The following MBD5 variants were observed in gnomAD, a reference collection of about 807,000 sequenced individuals.
MBD5 encodes methyl-CpG-binding domain protein 5.
MBD5 carries 13 observed loss-of-function variants against 117.3 expected under a neutral mutation model. The observed-to-expected ratio is 0.11, with a 90% CI of 0.07 to 0.18. The LOEUF is 0.18. Ranked by LOEUF, MBD5 falls within the 10% of genes least tolerant of loss-of-function variation. The pLI is 1.00. For synonymous variants in MBD5, 727 were observed against 766.4 expected (o/e 0.95, Z 0.85); for missense variants, 1,879 against 2,093.8 (o/e 0.90, Z 2.00).
chr2:148,455,875 C>A (rs1706863254), intron 4 of MBD5, among the ~76,000 whole-genome samples: 1 of 151,864 alleles, frequency 6.6e-6, no homozygotes, highest in Admixed American at 6.6e-5. Flanking sequence ...ATAAAACAGG[C>A]ATGAAAAGGG....
At chr2:148,200,800 C>CT (rs200916937) in intron 2 of MBD5, among the ~76,000 whole-genome samples, 5,652 of 151,764 alleles carry the variant, frequency 0.037, 285 homozygotes, top group African/African-American at 0.11. Context: ...TTAAGGAACA[C>CT]TTTAAATGTA....
At chr2:148,031,679 A>T (rs1573931240) in intron 1 of MBD5, among the ~76,000 whole-genome samples, 1 of 152,180 alleles carries the variant, frequency 6.6e-6, no homozygotes, top group Non-Finnish European at 1.5e-5. Flanking sequence ...CACAAAAAAT[A>T]AGGAAATGAA....
intron 3 of MBD5, among the ~76,000 whole-genome samples, chr2:148,279,214 G>C (rs191790425): frequency 5.6e-4 from 86 of 152,308 alleles, no homozygotes; most frequent in African/African-American, 2.0e-3. Flanking sequence ...AGGATCACTT[G>C]AGGCCAGGAG....
intron 3 of MBD5, among the ~76,000 whole-genome samples, chr2:148,281,028 CTTGCT>C (rs1701233143): frequency 2.0e-5 from 3 of 152,096 alleles, no homozygotes; most frequent in Admixed American, 2.0e-4. Flanking sequence ...TGATTTTGTC[CTTGCT>C]CTGTGGTGGA....
intron 1 of MBD5, among the ~76,000 whole-genome samples, chr2:148,108,260 A>G (rs1696419518): frequency 6.6e-6 from 1 of 152,174 alleles, no homozygotes; most frequent in Admixed American, 6.5e-5. Context: ...ACTAATTAAT[A>G]CTAATTTACC....
At chr2:148,299,996 T>C (rs1389347603) in intron 3 of MBD5, among the ~76,000 whole-genome samples, 1 of 152,212 alleles carries the variant, frequency 6.6e-6, no homozygotes, top group Non-Finnish European at 1.5e-5. Flanking sequence ...CAGAATATCC[T>C]AATAGTAATA....
chr2:148,031,004 A>G (rs1364104166), intron 1 of MBD5, among the ~76,000 whole-genome samples: 5 of 152,138 alleles, frequency 3.3e-5, no homozygotes, highest in Non-Finnish European at 7.4e-5. Flanking sequence ...TCCTGGAAAA[A>G]TATAGACTGG....
intron 2 of MBD5, among the ~76,000 whole-genome samples, chr2:148,188,975 C>T (rs375014993): frequency 0.012 from 1,796 of 150,590 alleles, 39 homozygotes; most frequent in African/African-American, 0.041. Flanking sequence ...GTTCCCTTTC[C>T]GAGTCAAAGA....
At chr2:148,437,134 ACC>A in intron 4 of MBD5, among the ~76,000 whole-genome samples, 1 of 133,940 alleles carries the variant, frequency 7.5e-6, no homozygotes, top group Admixed American at 7.5e-5. Context: ...AGGCACGTGC[ACC>A]GCGCCTGGCT....
At chr2:148,188,093 C>CA (rs1172649892) in intron 2 of MBD5, among the ~76,000 whole-genome samples, 4 of 152,074 alleles carry the variant, frequency 2.6e-5, no homozygotes, top group African/African-American at 9.7e-5. Flanking sequence ...AGTGCCTACC[C>CA]GATGCTCAAA....
chr2:148,102,664 TAC>T (rs113654978), intron 1 of MBD5, among the ~76,000 whole-genome samples: 313 of 143,646 alleles, frequency 2.2e-3, no homozygotes, highest in East Asian at 6.8e-3. Context: ...TTGCTTATTT[TAC>T]ACACACACAC....
chr2:148,069,487 C>A (rs189525376), intron 1 of MBD5, among the ~76,000 whole-genome samples: 121 of 151,652 alleles, frequency 8.0e-4, no homozygotes, highest in African/African-American at 2.9e-3. Flanking sequence ...GATCATACAG[C>A]TATTGCTTTT....
At position 148,052,784 on chromosome 2, in the gene MBD5, A is replaced by G. The variant is rs191114243; in HGVS notation, c.-925+31100A>G. Among the ~76,000 whole-genome samples, 161 of 152,140 alleles carry G rather than the reference A, an allele frequency of 1.1e-3. 1 individual carries two copies. Among genetic ancestry groups the G allele is most frequent in the Non-Finnish European group, 1.6e-3 (110 of 67,988 alleles). ...CCACTTTGTTTGGTTTCAAACTTTAAAAAATATATCGGTGTTTGTTTTCTA... is the reference window on the plus strand; with the variant it reads ...CCACTTTGTTTGGTTTCAAACTTTAGAAAATATATCGGTGTTTGTTTTCTA... On this transcript the variant is annotated intron_variant, in intron 1 of 13. Coordinates refer to ENST00000642680, the MANE Select transcript of MBD5 (RefSeq NM_001378120.1).
chr2:148,312,437 G>T (rs955423078), intron 3 of MBD5, among the ~76,000 whole-genome samples: 1 of 151,716 alleles, frequency 6.6e-6, no homozygotes, highest in African/African-American at 2.4e-5. Flanking sequence ...CCACTTGATC[G>T]ATTCGGCTAT....
intron 1 of MBD5, among the ~76,000 whole-genome samples, chr2:148,078,070 A>G (rs1485448533): frequency 6.6e-6 from 1 of 152,134 alleles, no homozygotes; most frequent in Non-Finnish European, 1.5e-5. Flanking sequence ...GACATTTCCT[A>G]TGCCGTTGAG....
intron 3 of MBD5, among the ~76,000 whole-genome samples, chr2:148,262,607 GCCCT>G (rs1700758422): frequency 6.6e-6 from 1 of 152,128 alleles, no homozygotes; most frequent in African/African-American, 2.4e-5. Flanking sequence ...AAAAAATTGA[GCCCT>G]GTGGGGTTAA....
chr2:148,142,991 A>C lies in MBD5; in HGVS notation c.-924-35709A>C, dbSNP rs138233355. Among the ~76,000 whole-genome samples, 575 of 152,318 alleles carry C rather than the reference A, an allele frequency of 3.8e-3. 3 individuals carry two copies. Among genetic ancestry groups the C allele is most frequent in the African/African-American group, 0.013 (541 of 41,580 alleles). On this transcript the variant is annotated intron_variant, in intron 1 of 13. Coordinates refer to ENST00000642680, the MANE Select transcript of MBD5 (RefSeq NM_001378120.1). ...CAGACATTGACCATTCATTTAACCC[A>C]AAATTATGACATTACTTTGGCATTA...
intron 1 of MBD5, among the ~76,000 whole-genome samples, chr2:148,073,181 T>G (rs1226508868): frequency 6.6e-6 from 1 of 152,112 alleles, no homozygotes; most frequent in African/African-American, 2.4e-5. Flanking sequence ...GCCAAGGAGA[T>G]AGATCAGCTT....
At chr2:148,189,071 C>T (rs1327037944) in intron 2 of MBD5, among the ~76,000 whole-genome samples, 3 of 141,852 alleles carry the variant, frequency 2.1e-5, no homozygotes, top group Non-Finnish European at 3.1e-5. Context: ...CGGCGCACCA[C>T]GAGACTATAT....
Sources: gnomAD v4.1 joint callset for allele counts (sites outside exome capture counted in the v4.1 genomes callset) on GRCh38, gnomAD v4.1.1 for gene constraint, MANE v1.5 for transcripts, NCBI Gene and HGNC (gene_info 2026-07-23, HGNC 2026-07-21) for gene names.